RCL1: variants seen among roughly 807,000 people sequenced by gnomAD.
The protein encoded by RCL1 is RNA 3'-terminal phosphate cyclase-like protein.
Under a neutral mutation model 42.4 loss-of-function variants are expected in RCL1, and 24 were observed. The ratio of observed to expected loss-of-function variants is 0.57; its 90% CI spans 0.41 to 0.80. The LOEUF is 0.80. Among genes scored for constraint, RCL1 ranks in the 30% least tolerant of loss-of-function variants. The pLI, the probability that RCL1 is intolerant of heterozygous loss-of-function variation, is 0.00. For synonymous variants in RCL1, 228 were observed against 177.3 expected, an observed-to-expected ratio of 1.29 and a Z score of -2.27; for missense variants, 578 against 467.9, an observed-to-expected ratio of 1.24 and a Z score of -2.17.
chr9:4,839,145 C>G (rs1331050412), intron 5 of RCL1, among the ~76,000 whole-genome samples: 1 of 152,176 alleles, frequency 6.6e-6, no homozygotes, highest in Non-Finnish European at 1.5e-5. Flanking sequence ...ACATCCATGC[C>G]AAGCCAGATG....
Position 4,832,013 on chromosome 9 carries a change from C to A in RCL1, c.385-1141C>A, listed in dbSNP as rs190132222. Among the ~76,000 whole-genome samples the A allele has an allele frequency of 1.7e-3, 255 of 152,208 alleles. 1 individual carries two copies. The highest frequency in any genetic ancestry group is 5.9e-3 in the African/African-American group (246 of 41,518). On this transcript the variant is annotated intron_variant, in intron 3 of 8. Transcript: ENST00000381750. ...TTCTGTGTGGTGCCTGCCCTCCCTGCCAGCTGACAGATCCAAGAAGGGAAC... is the reference window on the plus strand; with the variant it reads ...TTCTGTGTGGTGCCTGCCCTCCCTGACAGCTGACAGATCCAAGAAGGGAAC...
intron 1 of RCL1, among the ~76,000 whole-genome samples, chr9:4,810,564 T>G (rs1209669025): frequency 6.6e-6 from 1 of 152,170 alleles, no homozygotes; most frequent in Admixed American, 6.5e-5. Context: ...GTGCCACAAT[T>G]TAGTTTTGAT....
At chr9:4,801,534 A>T (rs1453865919) in intron 1 of RCL1, among the ~76,000 whole-genome samples, 1 of 152,080 alleles carries the variant, frequency 6.6e-6, no homozygotes, top group Non-Finnish European at 1.5e-5. Flanking sequence ...GCAGATTTGT[A>T]GTTTGTTAAT....
chr9:4,809,388 C>T (rs1488429370), intron 1 of RCL1, among the ~76,000 whole-genome samples: 1 of 152,004 alleles, frequency 6.6e-6, no homozygotes, highest in Non-Finnish European at 1.5e-5. Flanking sequence ...TGGCTCACTG[C>T]AACCTCCGCC....
At chr9:4,823,176 C>T (rs933249143) in intron 1 of RCL1, among the ~76,000 whole-genome samples, 1 of 151,868 alleles carries the variant, frequency 6.6e-6, no homozygotes, top group Admixed American at 6.6e-5. Context: ...TCCCTACTTT[C>T]TACTGTTTCT....
intron 4 of RCL1, among the ~76,000 whole-genome samples, 178 bp from the exon 5 acceptor site, chr9:4,833,963 G>T (rs370256396): frequency 1.3e-5 from 2 of 152,194 alleles, no homozygotes; most frequent in Non-Finnish European, 2.9e-5. Context: ...ATGCTGCACA[G>T]GTACTCTCTA....
intron 3 of RCL1, among the ~76,000 whole-genome samples, chr9:4,831,750 C>G (rs1359314978): frequency 6.6e-6 from 1 of 152,190 alleles, no homozygotes; most frequent in Non-Finnish European, 1.5e-5. Flanking sequence ...CCCACCTGAT[C>G]CATTCTAAGC....
chr9:4,850,208 ACGTG>A, intron 8 of RCL1: 2 of 486,530 alleles, frequency 4.1e-6, no homozygotes. Flanking sequence ...GTGTGTTTTC[ACGTG>A]CTTGCATACT....
chr9:4,850,425 T>G (rs1326618421), intron 8 of RCL1: 2 of 430,240 alleles, frequency 4.6e-6, no homozygotes, highest in African/African-American at 2.0e-5. Context: ...TATGCACCCT[T>G]GGGCCATGGC....
intron 1 of RCL1, among the ~76,000 whole-genome samples, chr9:4,814,920 T>G (rs12551089): frequency 6.6e-6 from 1 of 152,024 alleles, no homozygotes; most frequent in Admixed American, 6.5e-5. Flanking sequence ...TCTTTCAGCA[T>G]TTTGAATATA....
intron 1 of RCL1, among the ~76,000 whole-genome samples, chr9:4,802,194 G>A (rs983738826): frequency 4.1e-4 from 62 of 151,834 alleles, no homozygotes; most frequent in African/African-American, 1.5e-3. Flanking sequence ...CAAAGTGCTG[G>A]GATTATAGGT....
chr9:4,849,851 C>T (rs1309124789), intron 8 of RCL1, among the ~76,000 whole-genome samples: 1 of 152,084 alleles, frequency 6.6e-6, no homozygotes, highest in Admixed American at 6.5e-5. Flanking sequence ...TTTGGTGTAG[C>T]TTGGATTTTA....
At position 4,861,034 on chromosome 9, in the gene RCL1, A is replaced by C. The variant is rs143903811; in HGVS notation, c.*759A>C. 3 of 152,352 alleles carry C rather than the reference A, an allele frequency of 2.0e-5. No individual in the cohort carries two copies. In the East Asian group the frequency reaches 5.8e-4, roughly 29 times the overall value. The allele number at this position is 152,352 out of a possible 1,614,324, so 9.4% of individuals were successfully genotyped here. A position where few individuals can be genotyped will look rare whatever the true frequency, so the allele number is the denominator to read the frequency against. On this transcript the variant is annotated 3_prime_UTR_variant, in exon 9 of 9. Coordinates refer to ENST00000381750, the MANE Select transcript of RCL1 (RefSeq NM_005772.5). ...GGTGTTTTGTTCCTTTGAAATGTATAATGTAAAGACATTAAATCTCCTCAT... is the reference window on the plus strand; with the variant it reads ...GGTGTTTTGTTCCTTTGAAATGTATCATGTAAAGACATTAAATCTCCTCAT...
At chr9:4,839,829 C>G in intron 5 of RCL1, 3 of 984,336 alleles carry the variant, frequency 3.0e-6, no homozygotes, top group East Asian at 1.1e-4. Context: ...AGAGCAAGAA[C>G]AAAATGTGCA....
intron 8 of RCL1, among the ~76,000 whole-genome samples, chr9:4,853,412 C>G (rs1169165076): frequency 6.6e-6 from 1 of 151,906 alleles, no homozygotes; most frequent in African/African-American, 2.4e-5. Flanking sequence ...AGCTCTACCT[C>G]CCAGGTTCGT....
intron 1 of RCL1, among the ~76,000 whole-genome samples, chr9:4,799,185 A>G (rs567442630): frequency 1.6e-3 from 238 of 150,994 alleles, no homozygotes; most frequent in African/African-American, 5.4e-3. Flanking sequence ...TGTTGATCAG[A>G]GTGATCTCAA....
intron 5 of RCL1, among the ~76,000 whole-genome samples, chr9:4,839,064 G>A (rs1429297315): frequency 1.3e-5 from 2 of 152,224 alleles, no homozygotes; most frequent in Non-Finnish European, 2.9e-5. Flanking sequence ...GATGCAGCTT[G>A]CTGGAGCTTG....
intron 8 of RCL1, among the ~76,000 whole-genome samples, chr9:4,858,262 G>A (rs1194456358): frequency 5.9e-5 from 9 of 152,096 alleles, no homozygotes. Flanking sequence ...ACCTTTATCA[G>A]ATATATGACT....
At chr9:4,823,900 T>A (rs1356997538) in intron 2 of RCL1, among the ~76,000 whole-genome samples, 1 of 150,350 alleles carries the variant, frequency 6.7e-6, no homozygotes, top group African/African-American at 2.5e-5. Flanking sequence ...AGCATATCAT[T>A]CTAGATCATT....
Sources: gnomAD v4.1 joint callset for allele counts (sites outside exome capture counted in the v4.1 genomes callset) on GRCh38, gnomAD v4.1.1 for gene constraint, MANE v1.5 for transcripts, NCBI Gene and HGNC (gene_info 2026-07-23, HGNC 2026-07-21) for gene names.